The following PCDH9 variants were observed in gnomAD, a reference collection of about 807,000 sequenced individuals.
PCDH9 encodes the protein protocadherin-9.
A neutral mutation model predicts 70.6 loss-of-function variants in PCDH9; 24 were observed. That is an observed-to-expected ratio of 0.34 (90% confidence interval 0.25 to 0.48). PCDH9 has a LOEUF of 0.48. Among genes scored for constraint, PCDH9 ranks in the 20% least tolerant of loss-of-function variants. The pLI is 0.99. For synonymous variants in PCDH9, 562 were observed against 558.5 expected, an observed-to-expected ratio of 1.01 and a Z score of -0.09; for missense variants, 1,281 against 1,503.6, an observed-to-expected ratio of 0.85 and a Z score of 2.45.
intron 2 of PCDH9, among the ~76,000 whole-genome samples, chr13:66,991,404 C>T (rs940389943): frequency 1.3e-5 from 2 of 151,666 alleles, no homozygotes; most frequent in Non-Finnish European, 2.9e-5. Context: ...TTAACTGTCT[C>T]CTATATATGT....
At chr13:66,557,524 A>T (rs533228196) in intron 4 of PCDH9, among the ~76,000 whole-genome samples, 4 of 152,196 alleles carry the variant, frequency 2.6e-5, no homozygotes, top group Non-Finnish European at 5.9e-5. Context: ...ATAAATATAG[A>T]AATCATCATG....
chr13:66,609,341 C>A (rs1452312377), intron 4 of PCDH9, among the ~76,000 whole-genome samples: 2 of 152,012 alleles, frequency 1.3e-5, no homozygotes, highest in Non-Finnish European at 2.9e-5. Context: ...AAATATATTT[C>A]TTTTTGCTAA....
intron 2 of PCDH9, among the ~76,000 whole-genome samples, chr13:67,104,787 G>A (rs2086503833): frequency 6.6e-6 from 1 of 152,184 alleles, no homozygotes; most frequent in Non-Finnish European, 1.5e-5. Flanking sequence ...CTGACCTTGT[G>A]ATCCACCCAC....
intron 4 of PCDH9, among the ~76,000 whole-genome samples, chr13:66,339,005 A>C (rs1956082852): frequency 6.6e-6 from 1 of 152,092 alleles, no homozygotes; most frequent in Non-Finnish European, 1.5e-5. Context: ...TTGGCAGTGT[A>C]TGATTTGAGA....
intron 3 of PCDH9, among the ~76,000 whole-genome samples, chr13:66,834,641 C>A (rs966830347): frequency 6.6e-5 from 10 of 152,196 alleles, no homozygotes; most frequent in African/African-American, 2.4e-4. Context: ...TTAACACTAA[C>A]TGTAAGATGC....
At chr13:66,443,879 A>T (rs1013083281) in intron 4 of PCDH9, among the ~76,000 whole-genome samples, 1 of 152,184 alleles carries the variant, frequency 6.6e-6, no homozygotes, top group Non-Finnish European at 1.5e-5. Flanking sequence ...CAATATTATT[A>T]TCTGATTTTT....
At chr13:66,366,701 T>C (rs1009483520) in intron 4 of PCDH9, among the ~76,000 whole-genome samples, 2 of 152,112 alleles carry the variant, frequency 1.3e-5, no homozygotes, top group African/African-American at 4.8e-5. Flanking sequence ...GTAGTTCTTA[T>C]GGTAAATGTG....
At chr13:66,995,695 T>G (rs2084099823) in intron 2 of PCDH9, among the ~76,000 whole-genome samples, 1 of 152,190 alleles carries the variant, frequency 6.6e-6, no homozygotes, top group African/African-American at 2.4e-5. Context: ...GACTACTGCT[T>G]CTTGAGCTTT....
intron 2 of PCDH9, among the ~76,000 whole-genome samples, chr13:66,946,819 A>T (rs2083095665): frequency 6.6e-6 from 1 of 152,058 alleles, no homozygotes; most frequent in Admixed American, 6.6e-5. Flanking sequence ...AGTTAATATA[A>T]TTTTTTCAAG....
intron 4 of PCDH9, among the ~76,000 whole-genome samples, chr13:66,525,994 C>G (rs1200471637): frequency 6.6e-6 from 1 of 152,070 alleles, no homozygotes; most frequent in Non-Finnish European, 1.5e-5. Flanking sequence ...ACTTATTGCA[C>G]TTTTTCAGTG....
chr13:66,854,433 T>C (rs1005955297), intron 3 of PCDH9, among the ~76,000 whole-genome samples: 2 of 152,182 alleles, frequency 1.3e-5, no homozygotes, highest in African/African-American at 4.8e-5. Flanking sequence ...TTCGTGAATG[T>C]ATATACTTGC....
chr13:66,911,623 T>C (rs2082468183), intron 2 of PCDH9, among the ~76,000 whole-genome samples: 1 of 152,168 alleles, frequency 6.6e-6, no homozygotes, highest in African/African-American at 2.4e-5. Flanking sequence ...ACACTAATGG[T>C]CTACACTTTA....
intron 2 of PCDH9, chr13:66,914,615 A>G (rs2082527790): frequency 6.6e-6 from 1 of 151,888 alleles, no homozygotes; most frequent in Admixed American, 6.6e-5. Context: ...ATAAAATACT[A>G]TGTGATTGTA....
intron 2 of PCDH9, among the ~76,000 whole-genome samples, chr13:66,904,530 T>C (rs892434382): frequency 2.6e-5 from 4 of 152,028 alleles, no homozygotes; most frequent in African/African-American, 9.7e-5. Context: ...AGGTTCATCA[T>C]TGATATATAC....
intron 4 of PCDH9, among the ~76,000 whole-genome samples, chr13:66,399,145 G>A (rs1447838019): frequency 6.6e-6 from 1 of 152,098 alleles, no homozygotes; most frequent in East Asian, 1.9e-4. Context: ...GCACAGTGGA[G>A]TATCAATGAG....
At chr13:66,887,880 C>T (rs2082033665) in intron 3 of PCDH9, among the ~76,000 whole-genome samples, 1 of 152,166 alleles carries the variant, frequency 6.6e-6, no homozygotes, top group Non-Finnish European at 1.5e-5. Context: ...TCTATTGTTA[C>T]AAACCTAAAA....
intron 3 of PCDH9, among the ~76,000 whole-genome samples, chr13:66,703,573 T>G (rs1195917681): frequency 1.3e-5 from 2 of 152,140 alleles, no homozygotes; most frequent in African/African-American, 2.4e-5. Context: ...TCTATTCAGA[T>G]TTAATGGACA....
At chr13:66,704,792 G>C (rs762529789) in intron 3 of PCDH9, among the ~76,000 whole-genome samples, 7 of 152,210 alleles carry the variant, frequency 4.6e-5, no homozygotes, top group Non-Finnish European at 7.4e-5. Context: ...TTTGGAAAAT[G>C]CAAGTGGTGT....
At chr13:67,001,761 T>A (rs1205164826) in intron 2 of PCDH9, 1 of 152,206 alleles carries the variant, frequency 6.6e-6, no homozygotes, top group Non-Finnish European at 1.5e-5. Context: ...GAGACCATCT[T>A]TGTCACTCCC....
Sources: allele counts gnomAD v4.1 joint callset (sites outside exome capture counted in the v4.1 genomes callset), GRCh38; gene constraint gnomAD v4.1.1; transcripts MANE v1.5; gene names NCBI Gene and HGNC (gene_info 2026-07-23, HGNC 2026-07-21).